KCNK1: variants seen among roughly 807,000 people sequenced by gnomAD.
KCNK1 encodes the protein potassium two pore domain channel subfamily K member 1.
KCNK1 carries 10 observed loss-of-function variants against 22.2 expected under a neutral mutation model. The ratio of observed to expected loss-of-function variants is 0.45; its 90% confidence interval spans 0.28 to 0.76. KCNK1 has a LOEUF of 0.76. Among genes scored for constraint, KCNK1 ranks in the 30% least tolerant of loss-of-function variants. The pLI is 0.14. For missense variants in KCNK1, 378 were observed against 421.0 expected, an observed-to-expected ratio of 0.90 and a Z score of 0.89; for synonymous variants, 200 against 186.4, an observed-to-expected ratio of 1.07 and a Z score of -0.60.
intron 1 of KCNK1, among the ~76,000 whole-genome samples, chr1:233,659,564 C>A (rs61824320): frequency 0.27 from 40,522 of 151,344 alleles, 5,476 homozygotes; most frequent in African/African-American, 0.29. Flanking sequence ...TTATCATTGT[C>A]AATATATATA....
intron 2 of KCNK1, among the ~76,000 whole-genome samples, chr1:233,670,578 G>A (rs149264380): frequency 3.1e-4 from 47 of 152,290 alleles, no homozygotes; most frequent in Non-Finnish European, 5.6e-4. Flanking sequence ...GGCAAAGAGA[G>A]AGAGAATGTG....
At chr1:233,646,361 G>T (rs1205205439) in intron 1 of KCNK1, among the ~76,000 whole-genome samples, 4 of 152,124 alleles carry the variant, frequency 2.6e-5, no homozygotes, top group Admixed American at 2.6e-4. Context: ...GAGGCTAGGG[G>T]CAGCCAGGGT....
chr1:233,636,978 T>A (rs1457025748), intron 1 of KCNK1, among the ~76,000 whole-genome samples: 1 of 151,866 alleles, frequency 6.6e-6, no homozygotes, highest in Admixed American at 6.6e-5. Flanking sequence ...GGGAGGATCA[T>A]GAGGTCAGGA....
intron 1 of KCNK1, among the ~76,000 whole-genome samples, chr1:233,661,637 G>A (rs1313914182): frequency 6.6e-6 from 1 of 152,102 alleles, no homozygotes; most frequent in Non-Finnish European, 1.5e-5. Context: ...TCTATTTAGA[G>A]CTCCCTTGAG....
At chr1:233,651,347 G>C (rs767765157) in intron 1 of KCNK1, among the ~76,000 whole-genome samples, 84 of 152,268 alleles carry the variant, frequency 5.5e-4, no homozygotes, top group Admixed American at 3.6e-3. Context: ...TTAAACCTAA[G>C]GGTAGTGATG....
Position 233,629,372 on chromosome 1 carries a change from G to A in KCNK1, c.355+14846G>A, listed in dbSNP as rs371623921. ...ATGGTAAGGTTAGGTAGAGTGGGCC[G>A]GGGAAGAGGGTTGTTAAGGAAAGGG... On this transcript the variant is annotated intron_variant, in intron 1 of 2. Coordinates refer to ENST00000366621, the MANE Select transcript of KCNK1 (RefSeq NM_002245.4). Among the ~76,000 whole-genome samples, 30 of 152,186 alleles carry A rather than the reference G, an allele frequency of 2.0e-4. 1 individual carries two copies. The South Asian group carries it at 4.2e-3, about 21-fold the overall frequency.
chr1:233,644,814 C>G (rs1658063366), intron 1 of KCNK1, among the ~76,000 whole-genome samples: 1 of 152,118 alleles, frequency 6.6e-6, no homozygotes, highest in Non-Finnish European at 1.5e-5. Flanking sequence ...GGGGCCAGAT[C>G]TTGTAGAGTT....
intron 1 of KCNK1, among the ~76,000 whole-genome samples, chr1:233,655,328 A>G (rs899705880): frequency 6.6e-6 from 1 of 152,192 alleles, no homozygotes; most frequent in African/African-American, 2.4e-5. Context: ...CTGGAGGGGA[A>G]ATTGCTTCAG....
chr1:233,631,998 T>C (rs971182261), intron 1 of KCNK1, among the ~76,000 whole-genome samples: 33 of 152,182 alleles, frequency 2.2e-4, no homozygotes, highest in African/African-American at 7.0e-4. Flanking sequence ...TGGAAGTCAG[T>C]TGGACAGCAG....
intron 1 of KCNK1, among the ~76,000 whole-genome samples, chr1:233,642,582 A>G (rs1285426646): frequency 1.3e-5 from 2 of 152,200 alleles, no homozygotes; most frequent in Admixed American, 6.5e-5. Context: ...GAGGCTGGAC[A>G]GGTGGGCAGG....
Position 233,614,194 on chromosome 1 carries a change from G to C in KCNK1, c.23G>C (p.Ser8Thr). 1 of 1,606,874 alleles carries C rather than the reference G, an allele frequency of 6.2e-7. No homozygotes were observed. Among genetic ancestry groups the C allele is most frequent in the Non-Finnish European group, 8.5e-7 (1 of 1,179,378 alleles). The change falls in exon 1 of 3, where the codon AGC becomes ACC. Residue 8 changes from serine to threonine, a missense_variant. Coordinates refer to ENST00000366621, the MANE Select transcript of KCNK1 (RefSeq NM_002245.4). ...AAGATGCTGCAGTCCCTGGCCGGCA[G>C]CTCGTGCGTGCGCCTGGTGGAGCGG... MLQSLAG[S>T]SCVRLVERHR...
intron 1 of KCNK1, among the ~76,000 whole-genome samples, chr1:233,659,427 ATTT>A (rs1287917084): frequency 6.7e-6 from 1 of 149,582 alleles, no homozygotes; most frequent in African/African-American, 2.5e-5. Context: ...TATTTTAAAT[ATTT>A]TTTATTAAAA....
chr1:233,641,351 TGCCA>T (rs1239029019), intron 1 of KCNK1, among the ~76,000 whole-genome samples: 3 of 152,242 alleles, frequency 2.0e-5, no homozygotes, highest in African/African-American at 7.2e-5. Flanking sequence ...CAGAGCCCTA[TGCCA>T]GGGTTTCAGG....
At chr1:233,662,877 T>C (rs1658424533) in intron 1 of KCNK1, among the ~76,000 whole-genome samples, 1 of 152,212 alleles carries the variant, frequency 6.6e-6, no homozygotes, top group South Asian at 2.1e-4. Context: ...ATGACTGGCC[T>C]TAAAAAAATG....
At chr1:233,648,476 T>G (rs6667354) in intron 1 of KCNK1, among the ~76,000 whole-genome samples, 52,202 of 152,028 alleles carry the variant, frequency 0.34, 10,265 homozygotes, top group East Asian at 0.53. Context: ...GTACATTTTT[T>G]TTTTAACCAT....
chr1:233,623,947 C>G (rs1212487855), intron 1 of KCNK1, among the ~76,000 whole-genome samples: 1 of 152,116 alleles, frequency 6.6e-6, no homozygotes, highest in Non-Finnish European at 1.5e-5. Context: ...AGTCAAAAAA[C>G]AAAACAAAAG....
At chr1:233,635,184 A>G (rs904120837) in intron 1 of KCNK1, among the ~76,000 whole-genome samples, 2 of 152,230 alleles carry the variant, frequency 1.3e-5, no homozygotes, top group Non-Finnish European at 2.9e-5. Context: ...AAAAATTATC[A>G]TCTTTTTTAT....
At chr1:233,643,759 G>A (rs1181444312) in intron 1 of KCNK1, among the ~76,000 whole-genome samples, 1 of 152,168 alleles carries the variant, frequency 6.6e-6, no homozygotes, top group African/African-American at 2.4e-5. Flanking sequence ...AGACAGGGCA[G>A]CATTTAAATT....
At chr1:233,656,982 A>G (rs1365097280) in intron 1 of KCNK1, among the ~76,000 whole-genome samples, 1 of 152,210 alleles carries the variant, frequency 6.6e-6, no homozygotes, top group Non-Finnish European at 1.5e-5. Context: ...CATTGTAAAT[A>G]TACTCTGTCA....
Sources: gnomAD v4.1 joint callset for allele counts (sites outside exome capture counted in the v4.1 genomes callset) on GRCh38, gnomAD v4.1.1 for gene constraint, MANE v1.5 for transcripts, NCBI Gene and HGNC (gene_info 2026-07-23, HGNC 2026-07-21) for gene names.